SH3RF1: variants seen among roughly 807,000 people sequenced by gnomAD.
SH3RF1 encodes the protein SH3 domain containing ring finger 1.
SH3RF1 carries 32 observed loss-of-function variants against 74.0 expected under a neutral mutation model. That is an observed-to-expected ratio of 0.43 (90% CI 0.33 to 0.58). The LOEUF is 0.58. SH3RF1 is among the 20% of genes least tolerant of loss of function. The pLI, the probability that SH3RF1 is intolerant of heterozygous loss-of-function variation, is 0.05. For synonymous variants in SH3RF1, 396 were observed against 439.6 expected (o/e 0.90, Z 1.24); for missense variants, 954 against 1,130.9 (o/e 0.84, Z 2.24).
At chr4:169,132,878 C>G (rs1733641279) in intron 5 of SH3RF1, among the ~76,000 whole-genome samples, 1 of 152,196 alleles carries the variant, frequency 6.6e-6, no homozygotes, top group African/African-American at 2.4e-5. Context: ...TACAGACACT[C>G]ATGTCACAGT....
At chr4:169,200,047 C>T (rs1734883601) in intron 2 of SH3RF1, among the ~76,000 whole-genome samples, 1 of 151,816 alleles carries the variant, frequency 6.6e-6, no homozygotes, top group South Asian at 2.1e-4. Flanking sequence ...TTAAAATGGA[C>T]TCCATCCAAA....
chr4:169,144,922 T>C (rs1036942696), intron 4 of SH3RF1, among the ~76,000 whole-genome samples: 1 of 151,884 alleles, frequency 6.6e-6, no homozygotes, highest in Admixed American at 6.6e-5. Flanking sequence ...ATAGTAGGGG[T>C]AAGAGGAAAA....
chr4:169,167,950 A>C (rs1183260205), intron 2 of SH3RF1, among the ~76,000 whole-genome samples: 1 of 152,184 alleles, frequency 6.6e-6, no homozygotes, highest in Non-Finnish European at 1.5e-5. Flanking sequence ...CAGCCTAGAC[A>C]AAATAGTGAG....
chr4:169,169,975 T>C (rs965568523), intron 2 of SH3RF1, among the ~76,000 whole-genome samples: 1 of 152,104 alleles, frequency 6.6e-6, no homozygotes, highest in Non-Finnish European at 1.5e-5. Context: ...ATTATTCGAC[T>C]GTGCAAGAAA....
intron 2 of SH3RF1, among the ~76,000 whole-genome samples, chr4:169,214,871 T>C (rs1341063970): frequency 6.6e-6 from 1 of 152,218 alleles, no homozygotes; most frequent in East Asian, 1.9e-4. Flanking sequence ...TTGTCAATTC[T>C]TTTGGATTTT....
intron 8 of SH3RF1, among the ~76,000 whole-genome samples, chr4:169,119,965 A>G (rs1316047055): frequency 6.6e-6 from 1 of 152,212 alleles, no homozygotes; most frequent in Non-Finnish European, 1.5e-5. Context: ...ATCTTTACAT[A>G]AAATATATAA....
At chr4:169,228,251 T>C (rs1044130447) in intron 2 of SH3RF1, among the ~76,000 whole-genome samples, 3 of 152,170 alleles carry the variant, frequency 2.0e-5, no homozygotes, top group Non-Finnish European at 4.4e-5. Context: ...AGTAGACATG[T>C]GTTTCCCACA....
intron 1 of SH3RF1, among the ~76,000 whole-genome samples, chr4:169,270,160 A>C (rs890599208): frequency 1.3e-5 from 2 of 152,236 alleles, no homozygotes; most frequent in Non-Finnish European, 2.9e-5. Flanking sequence ...GGAGAACGGG[A>C]GTAAAAAGAT....
chr4:169,178,612 G>A (rs1028927495), intron 2 of SH3RF1, among the ~76,000 whole-genome samples: 1 of 152,088 alleles, frequency 6.6e-6, no homozygotes, highest in Non-Finnish European at 1.5e-5. Flanking sequence ...AAATGCAAAT[G>A]CACTGCCCCA....
chr4:169,259,333 C>A (rs140088542), intron 2 of SH3RF1, among the ~76,000 whole-genome samples: 2 of 152,110 alleles, frequency 1.3e-5, no homozygotes, highest in Non-Finnish European at 2.9e-5. Flanking sequence ...TGTTTCACAA[C>A]GCAAATAATC....
Position 169,120,859 on chromosome 4 carries a change from T to A in SH3RF1, c.1477A>T (p.Ile493Leu). ...FKGTSMHTSK[I>L]GVFPGNYVAP... Reference sequence around the variant, plus strand: ...ACATAATTGCCAGGGAAAACCCCTATCTTGCTGGTATGCATGGATGTCCCT... The same window carrying A: ...ACATAATTGCCAGGGAAAACCCCTAACTTGCTGGTATGCATGGATGTCCCT... Residue 493 changes from isoleucine (I) to leucine (L), a missense_variant, in exon 8 of 12, where the codon ATA (isoleucine) becomes TTA (leucine). Transcript: ENST00000284637. 6.2e-7 allele frequency: 1 copy of A among 1,614,216 alleles called. No individual in the cohort carries two copies. The highest frequency in any genetic ancestry group is 8.5e-7 in the Non-Finnish European group (1 of 1,180,046).
intron 4 of SH3RF1, among the ~76,000 whole-genome samples, chr4:169,140,297 T>C (rs184219116): frequency 1.5e-4 from 23 of 152,352 alleles, no homozygotes; most frequent in African/African-American, 5.5e-4. Flanking sequence ...GTATGAATGT[T>C]TGAGCTCAGT....
chr4:169,127,480 A>G (rs1020676097), intron 6 of SH3RF1, among the ~76,000 whole-genome samples: 1 of 152,236 alleles, frequency 6.6e-6, no homozygotes, highest in African/African-American at 2.4e-5. Flanking sequence ...CCTGCTACTG[A>G]GATTTTCCAC....
intron 6 of SH3RF1, among the ~76,000 whole-genome samples, chr4:169,123,202 A>G (rs1008248251): frequency 6.6e-6 from 1 of 152,162 alleles, no homozygotes; most frequent in Non-Finnish European, 1.5e-5. Flanking sequence ...TAAAGATCCA[A>G]TGATTTCTAA....
chr4:169,254,077 T>C (rs1343712639), intron 2 of SH3RF1, among the ~76,000 whole-genome samples: 1 of 152,240 alleles, frequency 6.6e-6, no homozygotes, highest in African/African-American at 2.4e-5. Context: ...ACTACTGTCA[T>C]TGCTGACTTA....
At chr4:169,123,331 C>T (rs565815550) in intron 6 of SH3RF1, among the ~76,000 whole-genome samples, 1 of 152,102 alleles carries the variant, frequency 6.6e-6, no homozygotes, top group Non-Finnish European at 1.5e-5. Flanking sequence ...AGAAACATAA[C>T]GAACTGAGTG....
At chr4:169,186,718 T>C (rs1734610269) in intron 2 of SH3RF1, among the ~76,000 whole-genome samples, 1 of 151,074 alleles carries the variant, frequency 6.6e-6, no homozygotes, top group African/African-American at 2.4e-5. Context: ...TTACAAGTCA[T>C]ATTAAGATCC....
intron 2 of SH3RF1, among the ~76,000 whole-genome samples, chr4:169,225,345 G>A (rs902290637): frequency 2.6e-5 from 4 of 152,184 alleles, no homozygotes; most frequent in Non-Finnish European, 5.9e-5. Flanking sequence ...GCACAAGTGA[G>A]GGCTGGAGGC....
rs780974770 is a variant in SH3RF1 at position 169,116,142 on chromosome 4, C to T, written c.2139+127G>A. On this transcript the variant is annotated intron_variant, in intron 10 of 11. Transcript: ENST00000284637. ...CTAGCACCTGGCATAGTGACTCACA[C>T]GTAGGGAGCACCTGAGGGTTTGTTG... 160 of 1,375,756 alleles carry T rather than the reference C, an allele frequency of 1.2e-4. 2 individuals carry two copies. Among genetic ancestry groups the T allele is most frequent in the African/African-American group, 1.6e-4 (11 of 68,904 alleles). The allele number at this position is 1,375,756 out of a possible 1,614,324, so 85.2% of individuals were successfully genotyped here. A position where few individuals can be genotyped will look rare whatever the true frequency, so the allele number is the denominator to read the frequency against.
Sources: gnomAD v4.1 joint callset for allele counts (sites outside exome capture counted in the v4.1 genomes callset) on GRCh38, gnomAD v4.1.1 for gene constraint, MANE v1.5 for transcripts, NCBI Gene and HGNC (gene_info 2026-07-23, HGNC 2026-07-21) for gene names.